FAM13A: variants seen among roughly 807,000 people sequenced by gnomAD.
FAM13A encodes protein FAM13A.
A neutral mutation model predicts 129.6 loss-of-function variants in FAM13A; 76 were observed. The observed-to-expected ratio is 0.59, with a 90% CI of 0.49 to 0.71. The LOEUF (loss-of-function observed/expected upper bound fraction) is 0.71, where lower values mean the gene tolerates loss of function less well. Among genes scored for constraint, FAM13A ranks in the 30% least tolerant of loss-of-function variants. The probability of loss-of-function intolerance (pLI) is 0.00; values close to 1 mark genes in which losing one functional copy is unlikely to be tolerated. For missense variants in FAM13A, 1,108 were observed against 1,249.3 expected (o/e 0.89, Z 1.70); for synonymous variants, 443 against 449.9 (o/e 0.98, Z 0.20).
At chr4:89,017,238 G>A (rs1201136779) in intron 3 of FAM13A, among the ~76,000 whole-genome samples, 1 of 151,786 alleles carries the variant, frequency 6.6e-6, no homozygotes, top group African/African-American at 2.4e-5. Context: ...AGATTTTAAG[G>A]GAATGGAAGA....
Position 89,004,402 on chromosome 4 carries a change from G to C in FAM13A, c.428-13252C>G, listed in dbSNP as rs1054036398. On this transcript the variant is annotated intron_variant, in intron 3 of 23. Transcript: ENST00000264344. ...GATCCACCCACCTCAGCCTCCCAGA[G>C]TGCTGGGATTACAGGCGTGAGCCAC... 2.0e-5 allele frequency among the ~76,000 whole-genome samples: 3 copies of C among 152,258 alleles called. No homozygotes were observed. In the South Asian group the frequency reaches 6.2e-4, roughly 32 times the overall value.
chr4:89,022,086 G>A (rs1222270094), intron 2 of FAM13A, among the ~76,000 whole-genome samples: 1 of 152,160 alleles, frequency 6.6e-6, no homozygotes, highest in African/African-American at 2.4e-5. Context: ...AATGGTGAAT[G>A]TTAGCAATGA....
In FAM13A at chr4:89,032,988, A is replaced by G. The variant is rs139128000; in HGVS notation, c.28-3339T>C. Among the ~76,000 whole-genome samples, 354 of 152,292 alleles carry G rather than the reference A, an allele frequency of 2.3e-3. 2 individuals are homozygous for G. The highest frequency in any genetic ancestry group is 3.4e-3 in the Middle Eastern group (1 of 294). Reference sequence around the variant, plus strand: ...TGCCACCTGCATCACTGCAGCTGATATGGTCCTTGATCTACTCTTTCTGAC... The same window carrying G: ...TGCCACCTGCATCACTGCAGCTGATGTGGTCCTTGATCTACTCTTTCTGAC... On this transcript the variant is annotated intron_variant, in intron 1 of 23. Coordinates refer to ENST00000264344, the MANE Select transcript of FAM13A (RefSeq NM_014883.4).
At chr4:88,838,321 A>C (rs1735179891) in intron 7 of FAM13A, among the ~76,000 whole-genome samples, 1 of 152,254 alleles carries the variant, frequency 6.6e-6, no homozygotes, top group African/African-American at 2.4e-5. Flanking sequence ...TAAGCACTGA[A>C]TATGGAAAAG....
chr4:88,992,261 T>C (rs1438335491), intron 3 of FAM13A, among the ~76,000 whole-genome samples: 3 of 130,546 alleles, frequency 2.3e-5, no homozygotes, highest in Admixed American at 1.7e-4. Context: ...TGAATAACTT[T>C]TTTTTCTTCT....
At chr4:89,030,135 T>G (rs1380234682) in intron 1 of FAM13A, among the ~76,000 whole-genome samples, 1 of 152,186 alleles carries the variant, frequency 6.6e-6, no homozygotes, top group Non-Finnish European at 1.5e-5. Flanking sequence ...ATTATAGTTC[T>G]CTGATTTGAT....
intron 7 of FAM13A, among the ~76,000 whole-genome samples, chr4:88,816,661 C>T (rs1730791355): frequency 1.3e-5 from 2 of 152,168 alleles, no homozygotes; most frequent in African/African-American, 2.4e-5. Flanking sequence ...CTTCCCTTTA[C>T]TAAGCTTCTA....
chr4:88,838,687 G>GC (rs1417382050), intron 7 of FAM13A, among the ~76,000 whole-genome samples: 1 of 151,172 alleles, frequency 6.6e-6, no homozygotes, highest in East Asian at 1.9e-4. Flanking sequence ...AGATTGTGCC[G>GC]CTGCACTCCA....
intron 6 of FAM13A, among the ~76,000 whole-genome samples, chr4:88,868,167 C>T (rs1183538638): frequency 6.6e-6 from 1 of 152,126 alleles, no homozygotes; most frequent in Non-Finnish European, 1.5e-5. Flanking sequence ...CCTTGTCAAA[C>T]TCTATAATGA....
chr4:88,912,426 G>A (rs1429646727), intron 5 of FAM13A, among the ~76,000 whole-genome samples: 1 of 152,048 alleles, frequency 6.6e-6, no homozygotes, highest in Non-Finnish European at 1.5e-5. Context: ...AGCCACTCAA[G>A]ACTTCGGATT....
chr4:89,041,591 T>G (rs891104603), intron 1 of FAM13A, among the ~76,000 whole-genome samples: 1 of 152,162 alleles, frequency 6.6e-6, no homozygotes, highest in African/African-American at 2.4e-5. Flanking sequence ...AAAACATTGA[T>G]TAAAAATTTC....
intron 4 of FAM13A, among the ~76,000 whole-genome samples, chr4:88,954,649 C>A (rs1757457735): frequency 6.6e-6 from 1 of 152,016 alleles, no homozygotes; most frequent in Non-Finnish European, 1.5e-5. Context: ...TTTGGGAGGC[C>A]CAAGGTGGGC....
intron 6 of FAM13A, among the ~76,000 whole-genome samples, chr4:88,905,209 G>A (rs13124775): frequency 0.12 from 18,677 of 151,962 alleles, 1,550 homozygotes; most frequent in Middle Eastern, 0.25. Flanking sequence ...GCAGCTCGCT[G>A]CGACCTCTGC....
At chr4:88,983,927 A>C (rs981153941) in intron 4 of FAM13A, among the ~76,000 whole-genome samples, 1 of 152,208 alleles carries the variant, frequency 6.6e-6, no homozygotes. Flanking sequence ...GAATTATCAA[A>C]ATACTATGGT....
chr4:88,948,006 A>G (rs1209637483), intron 4 of FAM13A, among the ~76,000 whole-genome samples: 3 of 152,152 alleles, frequency 2.0e-5, no homozygotes, highest in Admixed American at 6.5e-5. Context: ...AAAAAGTCTA[A>G]AAACGCTCTT....
intron 13 of FAM13A, 31 bp from the exon 14 acceptor site, chr4:88,758,932 CT>C (rs1351732211): frequency 6.2e-7 from 1 of 1,602,674 alleles, no homozygotes; most frequent in Non-Finnish European, 8.5e-7. Flanking sequence ...CCCCAAATAT[CT>C]ACTGCTCACC....
At chr4:88,851,266 T>A in intron 6 of FAM13A, 83 bp from the exon 7 acceptor site, 2 of 1,268,040 alleles carry the variant, frequency 1.6e-6, no homozygotes, top group Non-Finnish European at 2.1e-6. Flanking sequence ...AAAAGACAAT[T>A]TATTCCAATT....
intron 4 of FAM13A, among the ~76,000 whole-genome samples, chr4:88,942,903 C>T (rs1302913137): frequency 6.6e-6 from 1 of 152,076 alleles, no homozygotes; most frequent in Admixed American, 6.5e-5. Flanking sequence ...TTTATCTGCT[C>T]TTAGTAAAAA....
intron 8 of FAM13A, among the ~76,000 whole-genome samples, chr4:88,803,510 T>C (rs927387701): frequency 1.3e-5 from 2 of 152,034 alleles, no homozygotes; most frequent in Non-Finnish European, 2.9e-5. Flanking sequence ...AAGTCTCCTA[T>C]ACTATGTAAA....
Sources: allele counts gnomAD v4.1 joint callset (sites outside exome capture counted in the v4.1 genomes callset), GRCh38; gene constraint gnomAD v4.1.1; transcripts MANE v1.5; gene names NCBI Gene and HGNC (gene_info 2026-07-23, HGNC 2026-07-21).